The following LRRC4C variants were observed in gnomAD, a reference collection of about 807,000 sequenced individuals.
The protein encoded by LRRC4C is leucine-rich repeat-containing protein 4C.
Under a neutral mutation model 33.6 loss-of-function variants are expected in LRRC4C, and 5 were observed. The observed-to-expected ratio is 0.15, with a 90% CI of 0.08 to 0.31. LRRC4C has a LOEUF of 0.31. Ranked by LOEUF, LRRC4C falls within the 10% of genes least tolerant of loss-of-function variation. The pLI is 1.00. For synonymous variants in LRRC4C, 329 were observed against 302.0 expected, an observed-to-expected ratio of 1.09 and a Z score of -0.93; for missense variants, 560 against 796.7, an observed-to-expected ratio of 0.70 and a Z score of 3.58.
intron 4 of LRRC4C, among the ~76,000 whole-genome samples, chr11:40,305,044 C>T (rs1294785458): frequency 6.6e-6 from 1 of 152,176 alleles, no homozygotes; most frequent in Non-Finnish European, 1.5e-5. Context: ...GGATTACAGG[C>T]ATCAACCTTA....
intron 6 of LRRC4C, among the ~76,000 whole-genome samples, chr11:40,130,118 G>A (rs1184963945): frequency 1.3e-5 from 2 of 152,050 alleles, no homozygotes; most frequent in African/African-American, 4.8e-5. Flanking sequence ...GTGTTTGGGG[G>A]TATGTTTATG....
chr11:40,970,448 C>A (rs1417390248), intron 1 of LRRC4C, among the ~76,000 whole-genome samples: 1 of 152,134 alleles, frequency 6.6e-6, no homozygotes, highest in Non-Finnish European at 1.5e-5. Context: ...CTCCAGAAGC[C>A]ACTATGCTTC....
chr11:40,556,748 C>G (rs1307951037), intron 3 of LRRC4C, among the ~76,000 whole-genome samples: 1 of 152,220 alleles, frequency 6.6e-6, no homozygotes, highest in East Asian at 1.9e-4. Context: ...GAGGTGATAT[C>G]CACTTCAACA....
At chr11:41,425,994 A>T (rs549838120) in intron 1 of LRRC4C, among the ~76,000 whole-genome samples, 71 of 152,182 alleles carry the variant, frequency 4.7e-4, no homozygotes, top group African/African-American at 1.7e-3. Flanking sequence ...AATCAAAAAC[A>T]CTCTTCTAAA....
intron 1 of LRRC4C, among the ~76,000 whole-genome samples, chr11:41,072,551 C>A (rs1938784008): frequency 6.6e-6 from 1 of 151,826 alleles, no homozygotes; most frequent in Non-Finnish European, 1.5e-5. Flanking sequence ...TTTCCCTTCC[C>A]CTCTTCAGTC....
At chr11:41,383,628 A>G (rs1234985628) in intron 1 of LRRC4C, among the ~76,000 whole-genome samples, 1 of 152,058 alleles carries the variant, frequency 6.6e-6, no homozygotes, top group Admixed American at 6.6e-5. Flanking sequence ...AATATTAATC[A>G]AAAAGAAAAT....
intron 1 of LRRC4C, among the ~76,000 whole-genome samples, chr11:41,385,865 A>G (rs188456029): frequency 6.6e-6 from 1 of 151,664 alleles, no homozygotes; most frequent in Non-Finnish European, 1.5e-5. Context: ...ACTAGAATAG[A>G]TGATTTTTCA....
intron 1 of LRRC4C, among the ~76,000 whole-genome samples, chr11:41,211,691 T>G (rs1946829710): frequency 6.6e-6 from 1 of 152,228 alleles, no homozygotes; most frequent in Admixed American, 6.5e-5. Flanking sequence ...TAGTATTCCA[T>G]GGTGTATATG....
At chr11:40,130,870 ACT>A (rs1251598857) in intron 6 of LRRC4C, among the ~76,000 whole-genome samples, 2 of 151,024 alleles carry the variant, frequency 1.3e-5, no homozygotes, top group Non-Finnish European at 3.0e-5. Context: ...GAAATTACCT[ACT>A]CTGATTTTTT....
At chr11:40,591,780 G>A (rs1017872384) in intron 3 of LRRC4C, among the ~76,000 whole-genome samples, 1 of 152,198 alleles carries the variant, frequency 6.6e-6, no homozygotes, top group Non-Finnish European at 1.5e-5. Flanking sequence ...CTTAATTTGA[G>A]TTATTTCTTG....
rs11603796 is a variant in LRRC4C, at chr11:40,191,399, A to G, written c.-96+50120T>C. Reference sequence around the variant, plus strand: ...TTTATCCTGCACTCTAAACATGCAAATAATATAACTTCTTTGTGCCTCAGT... The same window carrying G: ...TTTATCCTGCACTCTAAACATGCAAGTAATATAACTTCTTTGTGCCTCAGT... On this transcript the variant is annotated intron_variant, in intron 5 of 6. Coordinates refer to ENST00000528697, the MANE Select transcript of LRRC4C (RefSeq NM_001258419.2). Among the ~76,000 whole-genome samples, 1,326 of 152,322 alleles carry G rather than the reference A, an allele frequency of 8.7e-3. 14 individuals are homozygous for G. The highest frequency in any genetic ancestry group is 0.034 in the Middle Eastern group (10 of 294).
intron 1 of LRRC4C, among the ~76,000 whole-genome samples, chr11:41,122,224 G>GT (rs1942473930): frequency 6.6e-6 from 1 of 152,116 alleles, no homozygotes; most frequent in African/African-American, 2.4e-5. Context: ...CTTTGGTCAA[G>GT]TAACAGTTTA....
At chr11:40,851,951 C>T (rs935028984) in intron 2 of LRRC4C, among the ~76,000 whole-genome samples, 2 of 152,034 alleles carry the variant, frequency 1.3e-5, no homozygotes, top group African/African-American at 4.8e-5. Context: ...CAAACAAACT[C>T]ATTTAAAAGG....
intron 3 of LRRC4C, among the ~76,000 whole-genome samples, chr11:40,423,630 C>T (rs371764132): frequency 1.3e-5 from 2 of 152,104 alleles, no homozygotes; most frequent in Non-Finnish European, 2.9e-5. Context: ...AGGCGTGAGC[C>T]ACCGCGTCCG....
intron 1 of LRRC4C, among the ~76,000 whole-genome samples, chr11:41,337,944 T>C (rs1023730681): frequency 6.6e-6 from 1 of 152,096 alleles, no homozygotes; most frequent in South Asian, 2.1e-4. Context: ...AAGCTCAACA[T>C]GACTGATCAT....
At chr11:41,222,413 A>G (rs1947347600) in intron 1 of LRRC4C, among the ~76,000 whole-genome samples, 1 of 152,182 alleles carries the variant, frequency 6.6e-6, no homozygotes, top group African/African-American at 2.4e-5. Context: ...AAGATAGAAA[A>G]ACTGGCAACA....
At chr11:40,532,010 T>A (rs1956291237) in intron 3 of LRRC4C, among the ~76,000 whole-genome samples, 1 of 146,846 alleles carries the variant, frequency 6.8e-6, no homozygotes, top group African/African-American at 2.5e-5. Context: ...AGTATGACCA[T>A]GCATCTTGCT....
In LRRC4C at chr11:40,686,999, G is replaced by T. The variant is rs142607534; in HGVS notation, c.-406-38721C>A. On this transcript the variant is annotated intron_variant, in intron 2 of 6. Coordinates refer to ENST00000528697, the MANE Select transcript of LRRC4C (RefSeq NM_001258419.2). ...TTCCTGTATGAGAACTTGCACTTTC[G>T]TTAGCTAACCGGGCAATTGGTACCC... 8.3e-4 allele frequency among the ~76,000 whole-genome samples: 126 copies of T among 152,162 alleles called. 1 individual carries two copies. Among genetic ancestry groups the T allele is most frequent in the African/African-American group, 3.0e-3 (124 of 41,544 alleles).
At chr11:41,123,866 C>A (rs1005071896) in intron 1 of LRRC4C, among the ~76,000 whole-genome samples, 1 of 152,168 alleles carries the variant, frequency 6.6e-6, no homozygotes, top group Non-Finnish European at 1.5e-5. Context: ...TCCTGCTAAT[C>A]ATGCCAGAGT....
Sources: gnomAD v4.1 joint callset for allele counts (sites outside exome capture counted in the v4.1 genomes callset) on GRCh38, gnomAD v4.1.1 for gene constraint, MANE v1.5 for transcripts, NCBI Gene and HGNC (gene_info 2026-07-23, HGNC 2026-07-21) for gene names.